B4GALT1: variants seen among roughly 807,000 people sequenced by gnomAD.
The protein encoded by B4GALT1 is N-acetyllactosamine synthase.
In B4GALT1, 16 loss-of-function variants were observed where a neutral mutation model predicts 34.9. The ratio of observed to expected loss-of-function variants is 0.46; its 90% CI spans 0.31 to 0.70. B4GALT1 has a LOEUF of 0.70. Ranked by LOEUF, B4GALT1 falls within the 30% of genes least tolerant of loss-of-function variation. The pLI, the probability that B4GALT1 is intolerant of heterozygous loss-of-function variation, is 0.05. For synonymous variants in B4GALT1, 221 were observed against 218.1 expected, an observed-to-expected ratio of 1.01 and a Z score of -0.12; for missense variants, 445 against 530.5, an observed-to-expected ratio of 0.84 and a Z score of 1.58.
intron 3 of B4GALT1, among the ~76,000 whole-genome samples, chr9:33,119,394 C>T (rs555296541): frequency 6.3e-4 from 96 of 152,208 alleles, no homozygotes; most frequent in African/African-American, 2.2e-3. Flanking sequence ...AAGTTTGTGC[C>T]CTGCTGGAAA....
chr9:33,144,129 CTG>C (rs1215789796), intron 1 of B4GALT1, among the ~76,000 whole-genome samples: 1 of 152,218 alleles, frequency 6.6e-6, no homozygotes, highest in Non-Finnish European at 1.5e-5. Context: ...AGAGATTTTC[CTG>C]TCTTGGCCTC....
At chr9:33,109,616 GAC>G (rs1043452357), downstream of B4GALT1, among the ~76,000 whole-genome samples, 1 of 152,232 alleles carries the variant, frequency 6.6e-6, no homozygotes, top group African/African-American at 2.4e-5. Context: ...CAGCCTGGGT[GAC>G]ACAGCAAGGC....
intron 2 of B4GALT1, among the ~76,000 whole-genome samples, chr9:33,123,840 C>T (rs745561998): frequency 3.9e-5 from 6 of 152,340 alleles, no homozygotes; most frequent in South Asian, 2.1e-4. Context: ...GACCTGGTTC[C>T]AGCCCCTTTC....
downstream of B4GALT1, among the ~76,000 whole-genome samples, chr9:33,107,234 C>A (rs774504022): frequency 6.6e-6 from 1 of 152,188 alleles, no homozygotes; most frequent in Non-Finnish European, 1.5e-5. Context: ...CCTGCCATGA[C>A]CGGCTCAGCC....
chr9:33,177,574 A>G, the B4GALT1 span: 5 of 152,226 alleles, frequency 3.3e-5, no homozygotes, highest in Non-Finnish European at 7.3e-5. Context: ...AACAGAGATC[A>G]TCTGGCCTGC....
chr9:33,138,975 TAC>T (rs141586118), intron 1 of B4GALT1, among the ~76,000 whole-genome samples: 2 of 150,974 alleles, frequency 1.3e-5, no homozygotes, highest in African/African-American at 2.4e-5. Context: ...CACCCTCACA[TAC>T]ACACACACAC....
At chr9:33,134,660 A>G (rs145279694) in intron 2 of B4GALT1, among the ~76,000 whole-genome samples, 2 of 152,316 alleles carry the variant, frequency 1.3e-5, no homozygotes, top group African/African-American at 4.8e-5. Flanking sequence ...CCCAGTCCAC[A>G]TAACTCTCAG....
chr9:33,113,348 GTCAC>G lies in B4GALT1; in HGVS notation c.*102_*105del. On this transcript the variant is annotated 3_prime_UTR_variant, in exon 6 of 6. Transcript: ENST00000379731. ...TCTGAATGATGAGCGAAGGGGACCT[GTCAC>G]TCAGACTGGTAAAAATGAGAGGGAC... 6.5e-7 allele frequency: 1 copy of G among 1,526,906 alleles called. No individual in the cohort carries two copies. Among genetic ancestry groups the G allele is most frequent in the South Asian group, 1.1e-5 (1 of 88,570 alleles). The allele number at this position is 1,526,906 out of a possible 1,614,324, so 94.6% of individuals were successfully genotyped here.
upstream of B4GALT1, among the ~76,000 whole-genome samples, chr9:33,168,423 G>A (rs1045494793): frequency 9.9e-5 from 15 of 152,224 alleles, no homozygotes; most frequent in African/African-American, 3.6e-4. Context: ...GGATAGGGAA[G>A]TTGAGGGCTC....
chr9:33,153,804 A>C (rs1350490508), intron 1 of B4GALT1, among the ~76,000 whole-genome samples: 1 of 152,114 alleles, frequency 6.6e-6, no homozygotes, highest in Non-Finnish European at 1.5e-5. Context: ...AAAACCGACC[A>C]CAAACTCTCT....
chr9:33,168,893 C>A (rs10971434), upstream of B4GALT1, among the ~76,000 whole-genome samples: 38,540 of 152,084 alleles, frequency 0.25, 5,232 homozygotes, highest in East Asian at 0.51. Flanking sequence ...ACACCACTCC[C>A]GTTCTTACCT....
At chr9:33,105,435 C>T (rs576545476) in intron 2 of B4GALT1, among the ~76,000 whole-genome samples, 36 of 152,318 alleles carry the variant, frequency 2.4e-4, no homozygotes, top group African/African-American at 7.5e-4. Flanking sequence ...GCCACCAAGC[C>T]GGCCCATTTT....
chr9:33,113,034 A>G lies in B4GALT1; in HGVS notation c.*420T>C. The G allele has an allele frequency of 3.8e-6, 1 of 261,694 alleles. No homozygotes were observed. The highest frequency in any genetic ancestry group is 5.1e-5 in the Admixed American group (1 of 19,724). 16.2% of individuals were successfully genotyped at this position (261,694 alleles called of 1,614,324 possible). The stretch of plus-strand genomic sequence containing the variant: ...TTCTGTTAAATTACAACTACCAAAA[A>G]GATCACACCAATCCAATTTTAGCAG... On this transcript the variant is annotated 3_prime_UTR_variant, in exon 6 of 6. Coordinates refer to ENST00000379731, the MANE Select transcript of B4GALT1 (RefSeq NM_001497.4).
chr9:33,173,298 G>A, the B4GALT1 span, among the ~76,000 whole-genome samples: 33 of 151,984 alleles, frequency 2.2e-4, no homozygotes, highest in African/African-American at 7.7e-4. Context: ...ACAGCTACTC[G>A]GGAGGCTGAG....
chr9:33,127,577 A>C (rs918332200), intron 2 of B4GALT1, among the ~76,000 whole-genome samples: 1 of 152,186 alleles, frequency 6.6e-6, no homozygotes, highest in Non-Finnish European at 1.5e-5. Flanking sequence ...CACAGAATAA[A>C]CTTCAGACTC....
downstream of B4GALT1, among the ~76,000 whole-genome samples, chr9:33,110,441 G>A (rs1206581810): frequency 1.3e-5 from 2 of 152,094 alleles, no homozygotes; most frequent in Non-Finnish European, 2.9e-5. Flanking sequence ...TACATATATC[G>A]TCACTTTTAA....
In B4GALT1 at chr9:33,113,555, T is replaced by C. The variant is rs377678566; in HGVS notation, c.1096A>G (p.Met366Val). ...AGTGAGTTCAAACCATCAGAGAGCA[T>C]TGTCTCCTTTGTGTGTGCAATTCGG... Reference protein sequence around the residue: ...FDRIAHTKETMLSDGLNSLTY... With the variant: ...FDRIAHTKETVLSDGLNSLTY... The change falls in exon 6 of 6, where the codon ATG becomes GTG. Residue 366 changes from methionine to valine, a missense_variant. By Grantham distance (21) the Met-to-Val change is conservative. Transcript: ENST00000379731. 9.9e-6 allele frequency: 16 copies of C among 1,614,084 alleles called. No homozygotes were observed. The highest frequency in any genetic ancestry group is 2.2e-5 in the South Asian group (2 of 91,090).
At chr9:33,168,098 C>A (rs1840799321), upstream of B4GALT1, among the ~76,000 whole-genome samples, 1 of 152,160 alleles carries the variant, frequency 6.6e-6, no homozygotes, top group African/African-American at 2.4e-5. Context: ...GATCAGCCGG[C>A]GTTACAGTCT....
intron 1 of B4GALT1, among the ~76,000 whole-genome samples, chr9:33,146,680 G>A (rs986939110): frequency 7.2e-6 from 1 of 138,774 alleles, no homozygotes; most frequent in Non-Finnish European, 1.5e-5. Context: ...GGAACTAAAT[G>A]CAATTTTCTT....
Sources: gnomAD v4.1 joint callset for allele counts (sites outside exome capture counted in the v4.1 genomes callset) on GRCh38, gnomAD v4.1.1 for gene constraint, MANE v1.5 for transcripts, NCBI Gene and HGNC (gene_info 2026-07-23, HGNC 2026-07-21) for gene names.